The following HNRNPA1L2 variants were observed in gnomAD, a reference collection of about 807,000 sequenced individuals.
HNRNPA1L2 encodes the protein heterogeneous nuclear ribonucleoprotein A1 like 2.
HNRNPA1L2 carries 10 observed loss-of-function variants against 18.2 expected under a neutral mutation model. The ratio of observed to expected loss-of-function variants is 0.55; its 90% CI spans 0.34 to 0.93. HNRNPA1L2 has a LOEUF of 0.93. HNRNPA1L2 is among the 40% of genes least tolerant of loss of function. HNRNPA1L2 has a pLI of 0.02. For missense variants in HNRNPA1L2, 308 were observed against 394.4 expected (o/e 0.78, Z 1.85); for synonymous variants, 124 against 138.6 (o/e 0.89, Z 0.74).
upstream of HNRNPA1L2, among the ~76,000 whole-genome samples, chr13:52,639,027 G>A (rs1961554326): frequency 1.3e-5 from 2 of 152,178 alleles, no homozygotes; most frequent in South Asian, 2.1e-4. Context: ...AAAACACTTA[G>A]GCATGGTATC....
the HNRNPA1L2 span, among the ~76,000 whole-genome samples, chr13:52,620,256 T>C: frequency 2.0e-5 from 3 of 152,180 alleles, no homozygotes; most frequent in Non-Finnish European, 4.4e-5. Context: ...TGGGTCTTAT[T>C]TAACATGCTG....
chr13:52,620,759 C>A, the HNRNPA1L2 span, among the ~76,000 whole-genome samples: 1 of 152,022 alleles, frequency 6.6e-6, no homozygotes, highest in Non-Finnish European at 1.5e-5. Flanking sequence ...AAAAATTAGT[C>A]CCAACTACTC....
At chr13:52,637,388 G>T in the HNRNPA1L2 span, 1 of 241,360 alleles carries the variant, frequency 4.1e-6, no homozygotes, top group South Asian at 7.0e-5. Context: ...TGAGATTGAA[G>T]AACTGATCCA....
chr13:52,628,962 A>G, the HNRNPA1L2 span, among the ~76,000 whole-genome samples: 1 of 151,760 alleles, frequency 6.6e-6, no homozygotes, highest in East Asian at 1.9e-4. Flanking sequence ...TGCAACCTCC[A>G]CCTCCTGGGT....
chr13:52,628,178 C>T, the HNRNPA1L2 span, among the ~76,000 whole-genome samples: 9 of 152,178 alleles, frequency 5.9e-5, no homozygotes, highest in African/African-American at 1.4e-4. Context: ...TGTGGTGGCT[C>T]ATGCCCGTAA....
the HNRNPA1L2 span, among the ~76,000 whole-genome samples, chr13:52,632,917 G>A: frequency 2.3e-4 from 35 of 152,348 alleles, no homozygotes; most frequent in African/African-American, 8.4e-4. Context: ...TCCTCAGCTA[G>A]GCACTATGGC....
the HNRNPA1L2 span, among the ~76,000 whole-genome samples, chr13:52,622,858 GT>G: frequency 3.0e-4 from 44 of 145,870 alleles, no homozygotes; most frequent in South Asian, 8.7e-4. Context: ...TTAAATGGCA[GT>G]TTTTTTTTTT....
chr13:52,625,428 A>G, the HNRNPA1L2 span, among the ~76,000 whole-genome samples: 3 of 152,150 alleles, frequency 2.0e-5, no homozygotes, highest in Non-Finnish European at 2.9e-5. Flanking sequence ...AGATACTTTA[A>G]CAAGTTCTCA....
the HNRNPA1L2 span, among the ~76,000 whole-genome samples, chr13:52,630,408 G>T: frequency 6.6e-6 from 1 of 152,128 alleles, no homozygotes; most frequent in African/African-American, 2.4e-5. Flanking sequence ...CCCAGTAGCT[G>T]GGATTACAGG....
upstream of HNRNPA1L2, among the ~76,000 whole-genome samples, chr13:52,638,872 C>A (rs950915023): frequency 6.6e-6 from 1 of 152,112 alleles, no homozygotes; most frequent in African/African-American, 2.4e-5. Flanking sequence ...CTAGGAAGAA[C>A]AAATAGCTGC....
At chr13:52,621,801 A>T in the HNRNPA1L2 span, among the ~76,000 whole-genome samples, 4 of 152,286 alleles carry the variant, frequency 2.6e-5, no homozygotes, top group South Asian at 8.3e-4. Context: ...TGTGCATAAA[A>T]CATATTGCAC....
At chr13:52,623,282 T>C in the HNRNPA1L2 span, among the ~76,000 whole-genome samples, 1 of 152,156 alleles carries the variant, frequency 6.6e-6, no homozygotes, top group South Asian at 2.1e-4. Context: ...ACAGAAATGG[T>C]AAAGTGAGTT....
rs1169094594 is a variant in HNRNPA1L2 at position 52,643,434 on chromosome 13, T to C, written c.942T>C (p.Tyr314=). 6.3e-7 allele frequency: 1 copy of C among 1,598,168 alleles called. No individual in the cohort carries two copies. Among genetic ancestry groups the C allele is most frequent in the South Asian group, 1.1e-5 (1 of 91,036 alleles). Residue 314 remains tyrosine (Y), a synonymous_variant, in exon 1 of 1, where the codon TAT becomes TAC. Transcript: ENST00000357495. ...GCGTTTCCAGCAGCAGCAGTAGCTATGGCAGTGGCAGAAGATTTTAATTAG... is the reference window on the plus strand; with the variant it reads ...GCGTTTCCAGCAGCAGCAGTAGCTACGGCAGTGGCAGAAGATTTTAATTAG... ...GYGVSSSSSS[Y]GSGRRF
the HNRNPA1L2 span, chr13:52,627,703 A>G: frequency 6.6e-6 from 1 of 152,204 alleles, no homozygotes; most frequent in Non-Finnish European, 1.5e-5. Flanking sequence ...AATATACCAT[A>G]TAAGTAGAAT....
chr13:52,620,870 C>T, the HNRNPA1L2 span, among the ~76,000 whole-genome samples: 47 of 135,960 alleles, frequency 3.5e-4, no homozygotes, highest in East Asian at 6.4e-3. Flanking sequence ...AGAGCGAGAC[C>T]CTGTCTCAAA....
At chr13:52,624,772 G>T in the HNRNPA1L2 span, among the ~76,000 whole-genome samples, 1 of 152,210 alleles carries the variant, frequency 6.6e-6, no homozygotes, top group Non-Finnish European at 1.5e-5. Context: ...GCTCATGCCT[G>T]TAATCCCAGC....
the HNRNPA1L2 span, among the ~76,000 whole-genome samples, chr13:52,625,196 C>A: frequency 1.3e-5 from 2 of 150,254 alleles, no homozygotes; most frequent in African/African-American, 4.9e-5. Context: ...CTTACTGCAA[C>A]CTCCGCCTTC....
Position 52,642,531 on chromosome 13 carries a change from G to A in HNRNPA1L2, c.39G>A (p.Leu13=), listed in dbSNP as rs113869751. The A allele has an allele frequency of 0.025, 39,821 of 1,611,922 alleles. 623 individuals are homozygous for A. The highest frequency in any genetic ancestry group is 0.032 in the Middle Eastern group (142 of 4,430). The change falls in exon 1 of 1, where the codon CTG becomes CTA. Residue 13 remains leucine (L), a synonymous_variant. Coordinates refer to ENST00000357495, the MANE Select transcript of HNRNPA1L2 (RefSeq NM_001389320.1). ...KSASPKEPEQ[L]RKLFIGGLSF... ...CGTCTCCAAAAGAGCCCGAACAGCT[G>A]AGGAAGCTCTTCATTGGAGGGTTGA...
chr13:52,642,297 A>C (rs1403918595), upstream of HNRNPA1L2: 9 of 720,422 alleles, frequency 1.2e-5, no homozygotes, highest in African/African-American at 1.6e-4. Flanking sequence ...TGTTATGTAT[A>C]CTTGTCTTTC....
Sources: allele counts gnomAD v4.1 joint callset (sites outside exome capture counted in the v4.1 genomes callset), GRCh38; gene constraint gnomAD v4.1.1; transcripts MANE v1.5; gene names NCBI Gene and HGNC (gene_info 2026-07-23, HGNC 2026-07-21).